The following STX17 variants were observed in gnomAD, a reference collection of about 807,000 sequenced individuals.
The protein encoded by STX17 is syntaxin-17.
In STX17, 29 loss-of-function variants were observed where a neutral mutation model predicts 35.9. The ratio of observed to expected loss-of-function variants is 0.81; its 90% CI spans 0.60 to 1.10. STX17 has a LOEUF of 1.10. Among genes scored for constraint, STX17 ranks in the 50% least tolerant of loss-of-function variants. The probability of loss-of-function intolerance (pLI) is 0.00; values close to 1 mark genes in which losing one functional copy is unlikely to be tolerated. For synonymous variants in STX17, 92 were observed against 118.3 expected (o/e 0.78, Z 1.44); for missense variants, 312 against 352.3 (o/e 0.89, Z 0.92).
At chr9:99,959,649 C>G (rs1400426808) in intron 4 of STX17, among the ~76,000 whole-genome samples, 1 of 151,754 alleles carries the variant, frequency 6.6e-6, no homozygotes, top group Non-Finnish European at 1.5e-5. Flanking sequence ...TTTGTAGAGA[C>G]GAGGTCTCAC....
intron 4 of STX17, among the ~76,000 whole-genome samples, chr9:99,958,777 A>G (rs1243274498): frequency 1.3e-5 from 2 of 152,256 alleles, no homozygotes; most frequent in African/African-American, 2.4e-5. Context: ...GGTAAAACCA[A>G]TATGAGGAAA....
chr9:99,930,042 A>G (rs1412513034), intron 3 of STX17: 2 of 146,994 alleles, frequency 1.4e-5, no homozygotes, highest in Non-Finnish European at 3.0e-5. Flanking sequence ...CCTCCCAAGT[A>G]GCTGGGACTA....
intron 7 of STX17, 143 bp from the exon 8 acceptor site, chr9:99,968,291 C>A: frequency 9.8e-7 from 1 of 1,020,342 alleles, no homozygotes; most frequent in Non-Finnish European, 1.3e-6. Flanking sequence ...CTTTCTTTTC[C>A]CCCCTACAAG....
chr9:99,935,329 C>CAAAAA (rs35032937), intron 3 of STX17, among the ~76,000 whole-genome samples: 2 of 101,198 alleles, frequency 2.0e-5, no homozygotes, highest in Non-Finnish European at 2.0e-5. Context: ...CACTCCATCT[C>CAAAAA]AAAAAAAAAA....
At chr9:99,915,894 T>C (rs1828758093) in intron 2 of STX17, among the ~76,000 whole-genome samples, 1 of 152,194 alleles carries the variant, frequency 6.6e-6, no homozygotes, top group African/African-American at 2.4e-5. Flanking sequence ...ATTGAGGTTT[T>C]AGGCAGTTAA....
At chr9:99,938,765 TGACAGTGTGAGA>T (rs1290232927) in intron 3 of STX17, among the ~76,000 whole-genome samples, 1 of 121,918 alleles carries the variant, frequency 8.2e-6, no homozygotes, top group East Asian at 2.3e-4. Flanking sequence ...CCAGCCTGGG[TGACAGTGTGAGA>T]CCTTGTCTGG....
chr9:99,918,952 G>A (rs1396050917), intron 2 of STX17, among the ~76,000 whole-genome samples: 1 of 152,134 alleles, frequency 6.6e-6, no homozygotes, highest in Non-Finnish European at 1.5e-5. Context: ...CCAGGGGAAG[G>A]AAAGTAGGTG....
intron 2 of STX17, among the ~76,000 whole-genome samples, chr9:99,919,754 A>G (rs925456704): frequency 2.0e-5 from 3 of 152,150 alleles, no homozygotes; most frequent in South Asian, 2.1e-4. Flanking sequence ...TATTTCTTAG[A>G]TTGTTAGCAT....
chr9:99,908,048 T>C (rs1275841853), intron 1 of STX17, among the ~76,000 whole-genome samples: 2 of 152,246 alleles, frequency 1.3e-5, no homozygotes, highest in African/African-American at 2.4e-5. Flanking sequence ...AAATGGGGTT[T>C]GTCCAGTGTT....
Position 99,967,634 on chromosome 9 carries a change from A to G in STX17, c.583-19A>G. 1.2e-6 allele frequency: 2 copies of G among 1,602,686 alleles called. No homozygotes were observed. Among genetic ancestry groups the G allele is most frequent in the African/African-American group, 1.5e-5 (1 of 66,042 alleles). ...TGCTCCCCAGCAGGACCGCTCACTC[A>G]TAATTCCTTTGCATCTAGTCTCAGC... is the stretch of plus-strand genomic sequence containing the variant. On this transcript the variant is annotated intron_variant, in intron 6 of 7. Transcript: ENST00000259400.
intron 2 of STX17, among the ~76,000 whole-genome samples, chr9:99,923,146 G>A (rs1197817567): frequency 6.7e-6 from 1 of 149,378 alleles, no homozygotes; most frequent in Non-Finnish European, 1.5e-5. Context: ...TTTTATTTTA[G>A]GTTCAGGGAG....
rs540578200 is a variant in STX17, at chr9:99,922,726, A to G, written c.124-6052A>G. ...GGGCAAGATGGAATCACTCAGCTTA[A>G]GGAAGGTCTTCCCCATCTATGCTTT... On this transcript the variant is annotated intron_variant, in intron 2 of 7. Transcript: ENST00000259400. Among the ~76,000 whole-genome samples the G allele has an allele frequency of 3.3e-5, 5 of 152,330 alleles. No homozygotes were observed. In the East Asian group the frequency reaches 9.6e-4, roughly 29 times the overall value.
At chr9:99,939,731 C>T (rs1031408816) in intron 3 of STX17, among the ~76,000 whole-genome samples, 1 of 152,152 alleles carries the variant, frequency 6.6e-6, no homozygotes, top group Admixed American at 6.5e-5. Context: ...TTCATGAAGC[C>T]TACCTAGATC....
Position 99,951,139 on chromosome 9 carries a change from T to C in STX17, c.269T>C (p.Met90Thr), listed in dbSNP as rs1355599384. 1.9e-6 allele frequency: 3 copies of C among 1,612,962 alleles called. No homozygotes were observed. The African/African-American group carries it at 4.0e-5, about 22-fold the overall frequency. ...GATGACCTAGTACTTCTGAAGAGAA[T>C]GATAGATCCTGTTAAAGAAGAAGCA... The part of the protein sequence containing the change: ...RKDDLVLLKR[M>T]IDPVKEEASA... The change falls in exon 4 of 8, where the codon ATG becomes ACG. Residue 90 changes from methionine to threonine, a missense_variant. Met to Thr is a moderately conservative substitution (Grantham distance 81). Coordinates refer to ENST00000259400, the MANE Select transcript of STX17 (RefSeq NM_017919.3).
intron 3 of STX17, among the ~76,000 whole-genome samples, chr9:99,933,569 T>C (rs1310821676): frequency 1.3e-5 from 2 of 152,172 alleles, no homozygotes; most frequent in Admixed American, 1.3e-4. Context: ...GTATTTATCT[T>C]CTTTAATATT....
intron 6 of STX17, among the ~76,000 whole-genome samples, chr9:99,966,012 AC>A (rs1386205418): frequency 1.3e-5 from 2 of 152,218 alleles, no homozygotes; most frequent in African/African-American, 4.8e-5. Flanking sequence ...AGATTATCTG[AC>A]TAAAGGTGGT....
At chr9:99,931,302 C>G (rs1226524853) in intron 3 of STX17, among the ~76,000 whole-genome samples, 1 of 142,688 alleles carries the variant, frequency 7.0e-6, no homozygotes, top group Non-Finnish European at 1.5e-5. Context: ...TTGTACAGGA[C>G]CTGGTTTTGT....
At chr9:99,968,052 A>G (rs570829361) in intron 7 of STX17, among the ~76,000 whole-genome samples, 2 of 152,258 alleles carry the variant, frequency 1.3e-5, no homozygotes, top group Non-Finnish European at 2.9e-5. Flanking sequence ...GGGACCATCT[A>G]TTTTCCATAG....
chr9:99,944,024 G>C (rs1289927651), intron 3 of STX17, among the ~76,000 whole-genome samples: 1 of 149,950 alleles, frequency 6.7e-6, no homozygotes, highest in African/African-American at 2.5e-5. Context: ...GACTATTTTG[G>C]TTTCTGTTTG....
Sources: allele counts gnomAD v4.1 joint callset (sites outside exome capture counted in the v4.1 genomes callset), GRCh38; gene constraint gnomAD v4.1.1; transcripts MANE v1.5; gene names NCBI Gene and HGNC (gene_info 2026-07-23, HGNC 2026-07-21).